Variants in ATXN1 observed in about 807,000 individuals in gnomAD.
ATXN1 encodes ataxin-1.
ATXN1 carries 8 observed loss-of-function variants against 56.4 expected under a neutral mutation model. The observed-to-expected ratio is 0.14, with a 90% CI of 0.08 to 0.26. The LOEUF is 0.26. ATXN1 is among the 10% of genes least tolerant of loss of function. ATXN1 has a pLI of 1.00. For synonymous variants in ATXN1, 514 were observed against 494.6 expected, an observed-to-expected ratio of 1.04 and a Z score of -0.52; for missense variants, 987 against 1,106.5, an observed-to-expected ratio of 0.89 and a Z score of 1.53.
chr6:16,487,866 C>A (rs1215180626), intron 5 of ATXN1, among the ~76,000 whole-genome samples: 1 of 152,070 alleles, frequency 6.6e-6, no homozygotes, highest in African/African-American at 2.4e-5. Context: ...ACAGGAAAGT[C>A]AAAAATGAGC....
rs370315269 is a variant in ATXN1 at position 16,748,848 on chromosome 6, CAA to C, written c.-615+4383_-615+4384del. On this transcript the variant is annotated intron_variant, in intron 2 of 7. Transcript: ENST00000436367. ...GAGCCCATCCTAACTAACTCAGCAC[CAA>C]AAAAAAAAACCACAACTTAATCCTC... 3.5e-5 allele frequency among the ~76,000 whole-genome samples: 5 copies of C among 143,236 alleles called. No homozygotes were observed. In the South Asian group the frequency reaches 1.1e-3, roughly 32 times the overall value. 94.0% of individuals were successfully genotyped at this position (143,236 alleles called of 152,430 possible). A position where few individuals can be genotyped will look rare whatever the true frequency, so the allele number is the denominator to read the frequency against.
chr6:16,325,319 T>C (rs1266454660), intron 7 of ATXN1, among the ~76,000 whole-genome samples: 6 of 152,018 alleles, frequency 3.9e-5, no homozygotes, highest in East Asian at 3.9e-4. Flanking sequence ...GGTTTCACCA[T>C]GTTGGCCAGG....
intron 6 of ATXN1, among the ~76,000 whole-genome samples, chr6:16,331,497 AT>A: frequency 6.6e-6 from 1 of 152,344 alleles, no homozygotes; most frequent in Non-Finnish European, 1.5e-5. Context: ...GAACCAGTCC[AT>A]GCGCCCCCTG....
At chr6:16,697,050 ACAC>A (rs1267224428) in intron 2 of ATXN1, among the ~76,000 whole-genome samples, 1 of 152,226 alleles carries the variant, frequency 6.6e-6, no homozygotes, top group Non-Finnish European at 1.5e-5. Context: ...AGTAGCACCA[ACAC>A]CACCACGTTA....
chr6:16,557,016 A>C (rs1762026699), intron 4 of ATXN1, among the ~76,000 whole-genome samples: 1 of 152,134 alleles, frequency 6.6e-6, no homozygotes, highest in Non-Finnish European at 1.5e-5. Context: ...CTGAAGGAGG[A>C]CTATATGCAA....
At chr6:16,715,517 T>A (rs1759620472) in intron 2 of ATXN1, among the ~76,000 whole-genome samples, 2 of 152,226 alleles carry the variant, frequency 1.3e-5, no homozygotes, top group Non-Finnish European at 2.9e-5. Context: ...TCTTAATATC[T>A]GTTGATCAAG....
intron 3 of ATXN1, among the ~76,000 whole-genome samples, chr6:16,610,358 A>C (rs1422259368): frequency 6.6e-6 from 1 of 151,832 alleles, no homozygotes; most frequent in Non-Finnish European, 1.5e-5. Flanking sequence ...ATTAAAGAAA[A>C]CTTCCATCTA....
intron 4 of ATXN1, among the ~76,000 whole-genome samples, chr6:16,530,902 A>G (rs1761491384): frequency 6.6e-6 from 1 of 152,164 alleles, no homozygotes; most frequent in African/African-American, 2.4e-5. Flanking sequence ...TATTATACAT[A>G]ATTTTTTAAG....
intron 3 of ATXN1, among the ~76,000 whole-genome samples, chr6:16,599,754 G>T (rs1396646618): frequency 6.6e-6 from 1 of 151,896 alleles, no homozygotes; most frequent in Non-Finnish European, 1.5e-5. Flanking sequence ...GAACAAGAGG[G>T]TTATTTAAAA....
chr6:16,440,014 G>A (rs1169036892), intron 6 of ATXN1, among the ~76,000 whole-genome samples: 2 of 150,912 alleles, frequency 1.3e-5, no homozygotes, highest in Admixed American at 6.6e-5. Flanking sequence ...GGCGGAGGTT[G>A]CAGTGAGCTG....
intron 6 of ATXN1, among the ~76,000 whole-genome samples, chr6:16,389,201 G>A (rs1758300620): frequency 6.6e-6 from 1 of 152,158 alleles, no homozygotes; most frequent in Admixed American, 6.5e-5. Flanking sequence ...GCCGGGCGTG[G>A]TGGCACGCGC....
intron 4 of ATXN1, among the ~76,000 whole-genome samples, chr6:16,539,031 C>T (rs1035348462): frequency 2.0e-5 from 3 of 152,180 alleles, no homozygotes; most frequent in African/African-American, 7.2e-5. Context: ...CTTACCCCCA[C>T]TATCCTTCAC....
chr6:16,439,581 T>C (rs1409008994), intron 6 of ATXN1, among the ~76,000 whole-genome samples: 2 of 152,084 alleles, frequency 1.3e-5, no homozygotes, highest in Non-Finnish European at 2.9e-5. Context: ...GATACGTGTA[T>C]TAATTTTATT....
At chr6:16,659,427 G>A (rs1758271845) in intron 2 of ATXN1, among the ~76,000 whole-genome samples, 1 of 152,202 alleles carries the variant, frequency 6.6e-6, no homozygotes, top group Non-Finnish European at 1.5e-5. Context: ...TTCACTGCAA[G>A]TTACTGGCTT....
Position 16,327,026 on chromosome 6 carries a change from A to C in ATXN1, c.1285T>G (p.Ser429Ala), listed in dbSNP as rs984312126. Residue 429 changes from serine to alanine, a missense_variant, in exon 7 of 8, where the codon TCA (serine) becomes GCA (alanine). By Grantham distance (99) the Ser-to-Ala change is moderately conservative. Transcript: ENST00000436367. ...GTGGTCTGAATGACCGTGTGGGGTG[A>C]GAGCGCGTAGGACCGGTGGCCAGGC... ...GKPGHRSYALSPHTVIQTTHS... is the reference protein window; with the variant it reads ...GKPGHRSYALAPHTVIQTTHS... The C allele has an allele frequency of 1.2e-6, 2 of 1,613,972 alleles. No individual in the cohort carries two copies. Among genetic ancestry groups the C allele is most frequent in the Admixed American group, 3.3e-5 (2 of 60,012 alleles).
At chr6:16,429,281 T>C (rs561800700) in intron 6 of ATXN1, among the ~76,000 whole-genome samples, 1 of 151,824 alleles carries the variant, frequency 6.6e-6, no homozygotes, top group South Asian at 2.1e-4. Flanking sequence ...TTTTCCTTAC[T>C]GACTGTAGAG....
At chr6:16,566,292 G>T (rs9477170) in intron 4 of ATXN1, among the ~76,000 whole-genome samples, 1 of 151,766 alleles carries the variant, frequency 6.6e-6, no homozygotes. Context: ...TTTTTGCTTG[G>T]GTGAGGCTAA....
chr6:16,511,912 C>T (rs542143143), intron 5 of ATXN1, among the ~76,000 whole-genome samples: 66 of 152,302 alleles, frequency 4.3e-4, no homozygotes, highest in African/African-American at 1.5e-3. Flanking sequence ...GTCTTTGCCA[C>T]GAGGTGGCCT....
chr6:16,590,005 G>A (rs1019763156), intron 3 of ATXN1, among the ~76,000 whole-genome samples: 4 of 152,092 alleles, frequency 2.6e-5, no homozygotes, highest in African/African-American at 9.7e-5. Context: ...CTAAATGACA[G>A]AAACTACACA....
Sources: gnomAD v4.1 joint callset for allele counts (sites outside exome capture counted in the v4.1 genomes callset) on GRCh38, gnomAD v4.1.1 for gene constraint, MANE v1.5 for transcripts, NCBI Gene and HGNC (gene_info 2026-07-23, HGNC 2026-07-21) for gene names.